Variants in RCOR1 observed in about 807,000 individuals in gnomAD.
RCOR1 encodes REST corepressor.
A neutral mutation model predicts 64.0 loss-of-function variants in RCOR1; 12 were observed. That is an observed-to-expected ratio of 0.19 (90% confidence interval 0.12 to 0.30). The LOEUF is 0.30. Ranked by LOEUF, RCOR1 falls within the 10% of genes least tolerant of loss-of-function variation. The probability of loss-of-function intolerance (pLI) is 1.00; values close to 1 mark genes in which losing one functional copy is unlikely to be tolerated. For synonymous variants in RCOR1, 279 were observed against 227.2 expected, an observed-to-expected ratio of 1.23 and a Z score of -2.05; for missense variants, 502 against 621.2, an observed-to-expected ratio of 0.81 and a Z score of 2.04.
chr14:102,607,267 C>G (rs1374664479), intron 2 of RCOR1, among the ~76,000 whole-genome samples: 1 of 152,036 alleles, frequency 6.6e-6, no homozygotes, highest in Non-Finnish European at 1.5e-5. Context: ...TTGATAAGGA[C>G]CAAGTGCAAC....
intron 2 of RCOR1, among the ~76,000 whole-genome samples, chr14:102,644,131 CTTGGCT>C (rs1894430410): frequency 6.6e-6 from 1 of 152,174 alleles, no homozygotes; most frequent in Non-Finnish European, 1.5e-5. Context: ...CTGAAGTGGC[CTTGGCT>C]GGCCAGACAG....
In RCOR1 at chr14:102,721,430, C is replaced by T. The variant is rs58525159; in HGVS notation, c.1189+53C>T. 1.7e-3 allele frequency: 2,239 copies of T among 1,327,174 alleles called. 33 individuals carry two copies. In the African/African-American group the frequency reaches 0.03, roughly 18 times the overall value. The allele number at this position is 1,327,174 out of a possible 1,614,324, so 82.2% of individuals were successfully genotyped here. ...AGGAGGCCGGCTGTGGTGGCTCACA[C>T]CTGTAATCCCAACATTTTGGAAGGT... On this transcript the variant is annotated intron_variant, in intron 10 of 11. Coordinates refer to ENST00000262241, the MANE Select transcript of RCOR1 (RefSeq NM_015156.4).
chr14:102,627,001 G>A (rs1428313815), intron 2 of RCOR1, among the ~76,000 whole-genome samples: 3 of 152,030 alleles, frequency 2.0e-5, no homozygotes, highest in East Asian at 3.9e-4. Context: ...TTTTATTATA[G>A]GTTATAGTCT....
chr14:102,714,449 G>A lies in RCOR1; in HGVS notation c.885G>A (p.Gln295=). 1.9e-6 allele frequency: 3 copies of A among 1,611,332 alleles called. No individual in the cohort carries two copies. The highest frequency in any genetic ancestry group is 2.5e-6 in the Non-Finnish European group (3 of 1,178,476). Residue 295 remains glutamine (Q), a synonymous_variant, in exon 8 of 12, where the codon CAG becomes CAA. Transcript: ENST00000262241. The part of the protein sequence containing the change: ...KEVPPTETVP[Q]VKKEKHSTQA... The stretch of plus-strand genomic sequence containing the variant: ...TTCCCCCTACTGAGACAGTTCCTCA[G>A]GTCAAAAAAGAAAAACATAGCACAC...
intron 7 of RCOR1, among the ~76,000 whole-genome samples, chr14:102,712,361 T>C (rs531194842): frequency 6.6e-6 from 1 of 151,970 alleles, no homozygotes; most frequent in Admixed American, 6.6e-5. Context: ...TTTTTTTTTT[T>C]GTATTTTTAG....
chr14:102,674,132 TAAG>T (rs918991997), intron 2 of RCOR1, among the ~76,000 whole-genome samples: 2 of 152,318 alleles, frequency 1.3e-5, no homozygotes, highest in Non-Finnish European at 2.9e-5. Flanking sequence ...TGCAGGCCTA[TAAG>T]AAGGAGTTAG....
chr14:102,631,734 G>A (rs775920925), intron 2 of RCOR1, among the ~76,000 whole-genome samples: 22 of 152,116 alleles, frequency 1.4e-4, no homozygotes, highest in Non-Finnish European at 3.2e-4. Flanking sequence ...GTTTTAAATT[G>A]AATATAGCTT....
chr14:102,678,313 G>GTTTC (rs1169633109), intron 2 of RCOR1, among the ~76,000 whole-genome samples: 1 of 151,864 alleles, frequency 6.6e-6, no homozygotes, highest in African/African-American at 2.4e-5. Context: ...TTGTTTGTTT[G>GTTTC]TTTTGAGGTG....
chr14:102,646,401 A>G (rs761480823), intron 2 of RCOR1, among the ~76,000 whole-genome samples: 8 of 152,368 alleles, frequency 5.3e-5, no homozygotes, highest in Non-Finnish European at 7.3e-5. Flanking sequence ...TACAGGTTGC[A>G]TAAGAAAAGC....
chr14:102,677,964 C>G (rs1444769493), intron 2 of RCOR1, among the ~76,000 whole-genome samples: 3 of 151,422 alleles, frequency 2.0e-5, no homozygotes, highest in African/African-American at 7.3e-5. Context: ...CTCGGGAGGC[C>G]GAGGCTGGCG....
At chr14:102,655,110 CTTT>C (rs67404203) in intron 2 of RCOR1, 11,673 of 104,424 alleles carry the variant, frequency 0.11, 518 homozygotes, top group Middle Eastern at 0.22. Context: ...CGCGGACAAC[CTTT>C]TTTTTTTTTT....
chr14:102,691,849 T>C (rs758379618), intron 3 of RCOR1, among the ~76,000 whole-genome samples: 1 of 152,238 alleles, frequency 6.6e-6, no homozygotes, highest in Non-Finnish European at 1.5e-5. Context: ...GGACATCCAT[T>C]ATCAGTTCTT....
intron 2 of RCOR1, among the ~76,000 whole-genome samples, chr14:102,665,496 A>G (rs1447787192): frequency 1.3e-5 from 2 of 152,132 alleles, no homozygotes; most frequent in African/African-American, 2.4e-5. Context: ...CAGGACTAAC[A>G]CTGTTGTAAG....
At chr14:102,723,960 G>T (rs1896213328) in intron 11 of RCOR1, among the ~76,000 whole-genome samples, 1 of 152,106 alleles carries the variant, frequency 6.6e-6, no homozygotes. Context: ...GTCAGTTGTT[G>T]TGCATATGTT....
intron 2 of RCOR1, among the ~76,000 whole-genome samples, chr14:102,606,490 G>A (rs535277196): frequency 1.3e-5 from 2 of 152,296 alleles, no homozygotes; most frequent in African/African-American, 4.8e-5. Context: ...CAGCGGGGAG[G>A]AAGAGAAGAG....
chr14:102,685,481 A>G (rs1410958450), intron 3 of RCOR1, among the ~76,000 whole-genome samples: 1 of 147,492 alleles, frequency 6.8e-6, no homozygotes, highest in Non-Finnish European at 1.5e-5. Flanking sequence ...TGAATTGTAC[A>G]TTTCTTTTTT....
At chr14:102,683,022 T>G (rs1895337099) in intron 3 of RCOR1, among the ~76,000 whole-genome samples, 1 of 152,212 alleles carries the variant, frequency 6.6e-6, no homozygotes, top group Non-Finnish European at 1.5e-5. Context: ...CTTTTCCTAT[T>G]GTATTGCTTA....
At chr14:102,638,480 G>A (rs1284017155) in intron 2 of RCOR1, among the ~76,000 whole-genome samples, 3 of 151,784 alleles carry the variant, frequency 2.0e-5, no homozygotes, top group Admixed American at 1.3e-4. Flanking sequence ...CGAGTAGCTG[G>A]AATTACAGGC....
intron 2 of RCOR1, chr14:102,657,781 T>TGAGCCTA: frequency 7.2e-6 from 5 of 694,236 alleles, no homozygotes; most frequent in Non-Finnish European, 8.7e-6. Flanking sequence ...GAGGTTGCAG[T>TGAGCCTA]GAGCCTAGAT....
Sources: gnomAD v4.1 joint callset for allele counts (sites outside exome capture counted in the v4.1 genomes callset) on GRCh38, gnomAD v4.1.1 for gene constraint, MANE v1.5 for transcripts, NCBI Gene and HGNC (gene_info 2026-07-23, HGNC 2026-07-21) for gene names.